The following NDUFB3 variants were observed in gnomAD, a reference collection of about 807,000 sequenced individuals.
NDUFB3 encodes NADH:ubiquinone oxidoreductase subunit B3.
Under a neutral mutation model 9.0 loss-of-function variants are expected in NDUFB3, and 7 were observed. The ratio of observed to expected loss-of-function variants is 0.78; its 90% CI spans 0.44 to 1.46. The LOEUF (loss-of-function observed/expected upper bound fraction) is 1.46, where lower values mean the gene tolerates loss of function less well. Among genes scored for constraint, NDUFB3 ranks in the 40% most tolerant of loss-of-function variants. The pLI, the probability that NDUFB3 is intolerant of heterozygous loss-of-function variation, is 0.01. For synonymous variants in NDUFB3, 29 were observed against 38.5 expected, an observed-to-expected ratio of 0.75 and a Z score of 0.91; for missense variants, 93 against 115.4, an observed-to-expected ratio of 0.81 and a Z score of 0.89.
intron 1 of NDUFB3, among the ~76,000 whole-genome samples, chr2:201,076,945 G>T (rs1458664049): frequency 1.3e-5 from 2 of 151,680 alleles, no homozygotes; most frequent in Non-Finnish European, 2.9e-5. Flanking sequence ...TACTAAAAAT[G>T]CAAAATTAGC....
intron 1 of NDUFB3, among the ~76,000 whole-genome samples, chr2:201,077,879 T>A (rs1009819491): frequency 2.0e-5 from 3 of 152,238 alleles, no homozygotes; most frequent in Non-Finnish European, 4.4e-5. Flanking sequence ...TGTAATCATA[T>A]GTATTTAAAA....
intron 2 of NDUFB3, among the ~76,000 whole-genome samples, chr2:201,084,038 C>G (rs530340638): frequency 1.3e-5 from 2 of 152,216 alleles, no homozygotes; most frequent in Admixed American, 1.3e-4. Context: ...TGCCTGTAAT[C>G]CCAGCACTTT....
At chr2:201,075,948 C>A (rs560404107) in intron 1 of NDUFB3, among the ~76,000 whole-genome samples, 1 of 152,048 alleles carries the variant, frequency 6.6e-6, no homozygotes, top group East Asian at 1.9e-4. Context: ...TAAAATGAAG[C>A]CTTATTTTAA....
chr2:201,078,857 C>T, intron 1 of NDUFB3, 24 bp from the exon 2 acceptor site: 1 of 1,590,062 alleles, frequency 6.3e-7, no homozygotes, highest in Non-Finnish European at 8.5e-7. Flanking sequence ...ATATTTCTCA[C>T]TTGTGTTAAT....
At chr2:201,076,478 T>C (rs2047163659) in intron 1 of NDUFB3, among the ~76,000 whole-genome samples, 1 of 130,786 alleles carries the variant, frequency 7.6e-6, no homozygotes, top group Admixed American at 7.6e-5. Flanking sequence ...AGACCCTCTA[T>C]CTTTAAATAT....
At position 201,085,514 on chromosome 2, in the gene NDUFB3, G is replaced by T. The variant is rs1291202799; in HGVS notation, c.196G>T (p.Val66Leu). The T allele has an allele frequency of 1.2e-6, 2 of 1,611,444 alleles. No individual in the cohort carries two copies. The highest frequency in any genetic ancestry group is 1.3e-5 in the African/African-American group (1 of 74,628). The change falls in exon 3 of 3, where the codon GTA becomes TTA. Residue 66 changes from valine to leucine, a missense_variant. Physicochemically the swap from Val to Leu is conservative, Grantham distance 32 (BLOSUM62 1). Transcript: ENST00000237889. The stretch of plus-strand genomic sequence containing the variant: ...TGCAAAGAGTGTTTCCTTTTCTGAT[G>T]TATTCTTTAAAGGATTCAAATGGGG... Reference protein sequence around the residue: ...GFAKSVSFSDVFFKGFKWGFA... With the variant: ...GFAKSVSFSDLFFKGFKWGFA...
chr2:201,073,770 CA>C (rs112614732), intron 1 of NDUFB3, among the ~76,000 whole-genome samples: 7 of 146,902 alleles, frequency 4.8e-5, no homozygotes, highest in African/African-American at 7.6e-5. Flanking sequence ...TACTCCATCT[CA>C]AAAAAAAAAT....
chr2:201,082,373 T>C (rs1334298061), intron 2 of NDUFB3, among the ~76,000 whole-genome samples: 1 of 151,720 alleles, frequency 6.6e-6, no homozygotes, highest in Non-Finnish European at 1.5e-5. Context: ...GAAATCATCC[T>C]CCCACCTCAG....
At chr2:201,083,130 T>A (rs2047248313) in intron 2 of NDUFB3, among the ~76,000 whole-genome samples, 1 of 152,186 alleles carries the variant, frequency 6.6e-6, no homozygotes, top group African/African-American at 2.4e-5. Context: ...ATCTGTAAAC[T>A]TTTTATTTCT....
intron 1 of NDUFB3, among the ~76,000 whole-genome samples, chr2:201,077,609 G>A (rs986000674): frequency 7.9e-5 from 12 of 152,300 alleles, no homozygotes; most frequent in African/African-American, 2.9e-4. Flanking sequence ...TGACTTTGAT[G>A]CTAAGGATCA....
Position 201,078,977 on chromosome 2 carries a change from T to G in NDUFB3, c.95T>G (p.Ile32Ser). The G allele has an allele frequency of 6.2e-7, 1 of 1,613,404 alleles. No individual in the cohort carries two copies. The highest frequency in any genetic ancestry group is 8.5e-7 in the Non-Finnish European group (1 of 1,179,794). ...WKIEGTPLET[I>S]QKKLAAKGLR... ...ATAGAAGGGACACCATTAGAAACTA[T>G]CCAGAAGAAGCTGGCTGCAAAAGGG... Residue 32 changes from isoleucine to serine, a missense_variant, in exon 2 of 3, where the codon ATC (isoleucine) becomes AGC (serine). Ile to Ser is a moderately radical substitution (Grantham distance 142). Transcript: ENST00000237889.
intron 2 of NDUFB3, among the ~76,000 whole-genome samples, chr2:201,080,796 C>T (rs562609139): frequency 2.0e-5 from 3 of 150,692 alleles, no homozygotes; most frequent in East Asian, 2.0e-4. Context: ...CTCCACCTCC[C>T]GGGTTCACGC....
At chr2:201,078,018 G>A (rs902970639) in intron 1 of NDUFB3, among the ~76,000 whole-genome samples, 4 of 151,996 alleles carry the variant, frequency 2.6e-5, no homozygotes, top group Admixed American at 2.6e-4. Context: ...GTTAGGAGCA[G>A]GGGGCCGGGT....
intron 1 of NDUFB3, among the ~76,000 whole-genome samples, chr2:201,074,474 T>G (rs2125530715): frequency 6.7e-6 from 1 of 149,666 alleles, no homozygotes; most frequent in Admixed American, 6.7e-5. Context: ...TTTTTTTTTT[T>G]GAGATAGAAT....
intron 1 of NDUFB3, among the ~76,000 whole-genome samples, chr2:201,072,620 G>A (rs954851814): frequency 3.3e-5 from 5 of 151,920 alleles, no homozygotes; most frequent in Non-Finnish European, 1.5e-5. Context: ...ATTTTTGGTT[G>A]CATGTTTTTT....
chr2:201,074,576 C>A (rs987289026), intron 1 of NDUFB3, among the ~76,000 whole-genome samples: 1 of 151,570 alleles, frequency 6.6e-6, no homozygotes, highest in Admixed American at 6.6e-5. Flanking sequence ...CATTCCTCAG[C>A]CTCCTGAGTA....
At chr2:201,081,082 C>A (rs1439346512) in intron 2 of NDUFB3, among the ~76,000 whole-genome samples, 2 of 152,108 alleles carry the variant, frequency 1.3e-5, no homozygotes, top group African/African-American at 4.8e-5. Context: ...ATGAACCTGA[C>A]AATTTCTATT....
intron 2 of NDUFB3, among the ~76,000 whole-genome samples, chr2:201,081,973 G>T (rs2047229651): frequency 6.6e-6 from 1 of 151,820 alleles, no homozygotes; most frequent in South Asian, 2.1e-4. Context: ...CCACCACTAT[G>T]CCCGGCTAAT....
intron 2 of NDUFB3, among the ~76,000 whole-genome samples, chr2:201,082,964 C>T (rs1357307940): frequency 4.6e-5 from 7 of 151,980 alleles, no homozygotes; most frequent in Non-Finnish European, 8.8e-5. Flanking sequence ...CCACCCGCCT[C>T]GGCCTCCCAA....
Sources: gnomAD v4.1 joint callset for allele counts (sites outside exome capture counted in the v4.1 genomes callset) on GRCh38, gnomAD v4.1.1 for gene constraint, MANE v1.5 for transcripts, NCBI Gene and HGNC (gene_info 2026-07-23, HGNC 2026-07-21) for gene names.